Variants in ITGB8 observed in about 807,000 individuals in gnomAD.
The protein encoded by ITGB8 is integrin beta-8.
In ITGB8, 30 loss-of-function variants were observed where a neutral mutation model predicts 89.5. That is an observed-to-expected ratio of 0.34 (90% CI 0.25 to 0.45). The LOEUF is 0.45. Among genes scored for constraint, ITGB8 ranks in the 20% least tolerant of loss-of-function variants. The pLI is 1.00. For synonymous variants in ITGB8, 335 were observed against 320.4 expected (o/e 1.05, Z -0.49); for missense variants, 836 against 933.3 (o/e 0.90, Z 1.36).
chr7:20,345,987 C>G (rs6943508), intron 1 of ITGB8, among the ~76,000 whole-genome samples: 1 of 152,252 alleles, frequency 6.6e-6, no homozygotes, highest in East Asian at 1.9e-4. Flanking sequence ...TTTCTAAAAA[C>G]GAGAAAGCAT....
At chr7:20,408,795 G>A (rs1787649965) in intron 12 of ITGB8, among the ~76,000 whole-genome samples, 6 of 152,122 alleles carry the variant, frequency 3.9e-5, no homozygotes, top group Admixed American at 2.6e-4. Context: ...GTGAGGGTGT[G>A]CCAAAGATCT....
intron 1 of ITGB8, among the ~76,000 whole-genome samples, chr7:20,333,833 G>A (rs1784492389): frequency 6.6e-6 from 1 of 152,120 alleles, no homozygotes; most frequent in African/African-American, 2.4e-5. Flanking sequence ...GTAAATTATA[G>A]CCAGTATAAC....
rs1430052946 is a variant in ITGB8 at position 20,380,912 on chromosome 7, T to G, written c.801+81T>G. 4 of 1,243,598 alleles carry G rather than the reference T, an allele frequency of 3.2e-6. No homozygotes were observed. The East Asian group carries it at 9.3e-5, about 29-fold the overall frequency. 77.0% of individuals were successfully genotyped at this position (1,243,598 alleles called of 1,614,324 possible). On this transcript the variant is annotated intron_variant, in intron 5 of 13. Transcript: ENST00000222573. The stretch of plus-strand genomic sequence containing the variant: ...TAGACGTTTTATTTTCTCTTTGATT[T>G]GTGGAGTGAAAACGTAGTGTAGAAG...
chr7:20,378,834 T>C (rs1261030122), intron 3 of ITGB8, among the ~76,000 whole-genome samples: 2 of 152,182 alleles, frequency 1.3e-5, no homozygotes, highest in Non-Finnish European at 2.9e-5. Flanking sequence ...CTGTAGGATT[T>C]GGAGACCAAT....
At chr7:20,334,451 G>GT (rs1784510975) in intron 1 of ITGB8, among the ~76,000 whole-genome samples, 1 of 151,940 alleles carries the variant, frequency 6.6e-6, no homozygotes, top group Admixed American at 6.6e-5. Flanking sequence ...TAAAAAAGCG[G>GT]TAACTATTAT....
intron 12 of ITGB8, among the ~76,000 whole-genome samples, chr7:20,406,384 C>T (rs1787544042): frequency 6.6e-6 from 1 of 152,108 alleles, no homozygotes; most frequent in Non-Finnish European, 1.5e-5. Context: ...AACCCCGTCT[C>T]TACTAAAAAT....
intron 7 of ITGB8, among the ~76,000 whole-genome samples, chr7:20,392,754 G>A (rs912596149): frequency 2.0e-5 from 3 of 152,132 alleles, no homozygotes; most frequent in African/African-American, 7.2e-5. Flanking sequence ...CCACTTATGG[G>A]TGAGAACATG....
At chr7:20,403,284 T>A (rs1196527803) in intron 10 of ITGB8, among the ~76,000 whole-genome samples, 1 of 152,208 alleles carries the variant, frequency 6.6e-6, no homozygotes, top group East Asian at 1.9e-4. Flanking sequence ...AAAAATATTA[T>A]TTTACAGTGA....
intron 9 of ITGB8, among the ~76,000 whole-genome samples, chr7:20,400,497 A>T (rs1192077178): frequency 2.0e-5 from 3 of 152,326 alleles, no homozygotes; most frequent in East Asian, 1.9e-4. Context: ...TAGATACTTT[A>T]TATTATTATA....
At chr7:20,401,663 T>G (rs923807667) in intron 9 of ITGB8, 58 bp from the exon 10 acceptor site, 1 of 997,516 alleles carries the variant, frequency 1.0e-6, no homozygotes, top group Non-Finnish European at 1.4e-6. Flanking sequence ...AGATATAATA[T>G]TGGTAATAAA....
rs145741362 is a variant in ITGB8 at position 20,351,780 on chromosome 7, A to C, written c.128-11857A>C. On this transcript the variant is annotated intron_variant, in intron 1 of 13. Coordinates refer to ENST00000222573, the MANE Select transcript of ITGB8 (RefSeq NM_002214.3). Reference sequence around the variant, plus strand: ...AAGTTCACACCTGCAACGTGACTTTAAGTTTAAAAGATACAATGTAGAAAA... The same window carrying C: ...AAGTTCACACCTGCAACGTGACTTTCAGTTTAAAAGATACAATGTAGAAAA... 1.2e-4 allele frequency among the ~76,000 whole-genome samples: 19 copies of C among 152,346 alleles called. No individual in the cohort carries two copies. The East Asian group carries it at 2.7e-3, about 22-fold the overall frequency.
chr7:20,350,634 C>CATCCAAGGTCCTT (rs1785083601), intron 1 of ITGB8, among the ~76,000 whole-genome samples: 1 of 152,330 alleles, frequency 6.6e-6, no homozygotes, highest in African/African-American at 2.4e-5. Context: ...ATGAGGGGAA[C>CATCCAAGGTCCTT]ATTTTTCCTA....
At chr7:20,354,735 A>G (rs1273851519) in intron 1 of ITGB8, among the ~76,000 whole-genome samples, 1 of 152,242 alleles carries the variant, frequency 6.6e-6, no homozygotes, top group Non-Finnish European at 1.5e-5. Flanking sequence ...AAAAAGGAAA[A>G]CAAGAAAACT....
chr7:20,395,879 C>A (rs6967172), intron 8 of ITGB8, among the ~76,000 whole-genome samples: 6,400 of 152,268 alleles, frequency 0.042, 211 homozygotes, highest in Middle Eastern at 0.075. Context: ...GCCTCAGGTG[C>A]TTCCTCCTCT....
chr7:20,411,491 C>T lies in ITGB8; in HGVS notation c.*1494C>T, dbSNP rs901618716. On this transcript the variant is annotated 3_prime_UTR_variant, in exon 14 of 14. Transcript: ENST00000222573. ...TTTTTAGTGAGTTAGGGAACTGAGC[C>T]TCAGAAAACTTAAACGATTTCTCAG... 2 of 152,494 alleles carry T rather than the reference C, an allele frequency of 1.3e-5. No homozygotes were observed. The highest frequency in any genetic ancestry group is 4.8e-5 in the African/African-American group (2 of 41,416). The allele number at this position is 152,494 out of a possible 1,614,324, so 9.4% of individuals were successfully genotyped here. A position where few individuals can be genotyped will look rare whatever the true frequency, so the allele number is the denominator to read the frequency against.
chr7:20,333,538 A>T (rs1220988344), intron 1 of ITGB8, among the ~76,000 whole-genome samples: 3 of 152,234 alleles, frequency 2.0e-5, no homozygotes, highest in Admixed American at 2.0e-4. Flanking sequence ...CAAAGGAAAA[A>T]GTCCTACTTG....
At chr7:20,403,851 T>A (rs1583543033) in intron 10 of ITGB8, among the ~76,000 whole-genome samples, 1 of 152,300 alleles carries the variant, frequency 6.6e-6, no homozygotes. Flanking sequence ...TATATCATCA[T>A]GTGAAATGTA....
intron 1 of ITGB8, among the ~76,000 whole-genome samples, chr7:20,361,399 C>T (rs1350072394): frequency 2.6e-5 from 4 of 152,184 alleles, no homozygotes; most frequent in Non-Finnish European, 5.9e-5. Flanking sequence ...ATACAAATTT[C>T]CTTCTTACAG....
At chr7:20,381,564 A>G in intron 5 of ITGB8, 163 bp from the exon 6 acceptor site, 1 of 540,904 alleles carries the variant, frequency 1.8e-6, no homozygotes, top group Non-Finnish European at 3.2e-6. Context: ...TAGAGGATGT[A>G]CAAATAAAAG....
Sources: gnomAD v4.1 joint callset for allele counts (sites outside exome capture counted in the v4.1 genomes callset) on GRCh38, gnomAD v4.1.1 for gene constraint, MANE v1.5 for transcripts, NCBI Gene and HGNC (gene_info 2026-07-23, HGNC 2026-07-21) for gene names.